PTPRK: variants seen among roughly 807,000 people sequenced by gnomAD.
The protein encoded by PTPRK is protein tyrosine phosphatase receptor type K, also known as receptor-type tyrosine-protein phosphatase kappa.
PTPRK carries 75 observed loss-of-function variants against 178.0 expected under a neutral mutation model. The observed-to-expected ratio is 0.42, with a 90% CI of 0.35 to 0.51. PTPRK has a LOEUF of 0.51. Among genes scored for constraint, PTPRK ranks in the 20% least tolerant of loss-of-function variants. The pLI, the probability that PTPRK is intolerant of heterozygous loss-of-function variation, is 0.02. For missense variants in PTPRK, 1,441 were observed against 1,797.8 expected (o/e 0.80, Z 3.59); for synonymous variants, 637 against 620.6 (o/e 1.03, Z -0.39).
At chr6:128,218,888 G>A (rs370199339) in intron 6 of PTPRK, 34 bp downstream of exon 6, 89 of 1,555,946 alleles carry the variant, frequency 5.7e-5, no homozygotes, top group Middle Eastern at 5.1e-4. Flanking sequence ...ATAAAGCCAT[G>A]CAATTTCGTG....
At chr6:128,512,886 G>T (rs78264516) in intron 1 of PTPRK, among the ~76,000 whole-genome samples, 16,008 of 152,090 alleles carry the variant, frequency 0.11, 1,008 homozygotes, top group Non-Finnish European at 0.15. Context: ...ACACTTAGAT[G>T]AAAAAGAGAA....
intron 1 of PTPRK, among the ~76,000 whole-genome samples, chr6:128,500,343 C>A (rs1208218034): frequency 6.6e-6 from 1 of 151,122 alleles, no homozygotes; most frequent in East Asian, 1.9e-4. Flanking sequence ...TTAATACAAT[C>A]ATGTGATTAA....
intron 6 of PTPRK, among the ~76,000 whole-genome samples, chr6:128,211,233 T>C (rs1808100431): frequency 6.6e-6 from 1 of 152,192 alleles, no homozygotes; most frequent in South Asian, 2.1e-4. Flanking sequence ...ATTTAATTTC[T>C]GTCCAGCTCT....
chr6:128,086,098 T>C (rs566681424), intron 8 of PTPRK, among the ~76,000 whole-genome samples: 1 of 152,254 alleles, frequency 6.6e-6, no homozygotes, highest in Non-Finnish European at 1.5e-5. Flanking sequence ...TCAACAACTT[T>C]TAATGGAAAC....
chr6:128,259,514 A>G (rs1817859383), intron 3 of PTPRK, among the ~76,000 whole-genome samples: 1 of 152,184 alleles, frequency 6.6e-6, no homozygotes, highest in African/African-American at 2.4e-5. Context: ...ATGCATATGT[A>G]TGTGCCACCT....
At chr6:128,432,045 G>A (rs189027179) in intron 1 of PTPRK, among the ~76,000 whole-genome samples, 11 of 151,632 alleles carry the variant, frequency 7.3e-5, no homozygotes, top group Admixed American at 5.9e-4. Context: ...GAAAAAGCAC[G>A]GTTGAAAATA....
At chr6:128,037,063 G>C (rs1471585596) in intron 13 of PTPRK, among the ~76,000 whole-genome samples, 1 of 151,984 alleles carries the variant, frequency 6.6e-6, no homozygotes, top group Non-Finnish European at 1.5e-5. Context: ...TTGTGCTTGG[G>C]TGCAAATCTG....
intron 7 of PTPRK, among the ~76,000 whole-genome samples, chr6:128,106,829 C>T (rs1430520303): frequency 1.3e-5 from 2 of 152,082 alleles, no homozygotes; most frequent in Non-Finnish European, 2.9e-5. Flanking sequence ...ATTTCTAGCA[C>T]CCAAATGTCA....
chr6:128,494,513 G>A (rs1197388667), intron 1 of PTPRK, among the ~76,000 whole-genome samples: 2 of 152,076 alleles, frequency 1.3e-5, no homozygotes, highest in Admixed American at 1.3e-4. Flanking sequence ...CCAACAGCTG[G>A]AGTACTCAGC....
chr6:128,516,804 A>T lies in PTPRK; in HGVS notation c.100+3455T>A, dbSNP rs536084390. Reference sequence around the variant, plus strand: ...GAAAGCTACATATTATTCTCAACACAGAGTTGAAAACCTGAACCAACAGTT... The same window carrying T: ...GAAAGCTACATATTATTCTCAACACTGAGTTGAAAACCTGAACCAACAGTT... On this transcript the variant is annotated intron_variant, in intron 1 of 29. Coordinates refer to ENST00000368226, the MANE Select transcript of PTPRK (RefSeq NM_002844.4). 4.5e-4 allele frequency among the ~76,000 whole-genome samples: 69 copies of T among 152,274 alleles called. No homozygotes were observed. In the South Asian group the frequency reaches 0.014, roughly 31 times the overall value.
intron 7 of PTPRK, among the ~76,000 whole-genome samples, chr6:128,109,537 G>C (rs1419758125): frequency 6.6e-6 from 1 of 152,130 alleles, no homozygotes; most frequent in Non-Finnish European, 1.5e-5. Flanking sequence ...ACAGAGTCCA[G>C]TGTCAAAATA....
chr6:128,181,897 A>G (rs1049823327), intron 7 of PTPRK, among the ~76,000 whole-genome samples: 4 of 152,156 alleles, frequency 2.6e-5, no homozygotes, highest in African/African-American at 9.6e-5. Context: ...AATTAATACA[A>G]TATATACTTC....
In PTPRK at chr6:128,495,336, C is replaced by T. The variant is rs115349330; in HGVS notation, c.100+24923G>A. ...ATATACTTTAAATCTTAATAAGAGA[C>T]GCAATTTCAGGGAAAAGATAAAAGA... On this transcript the variant is annotated intron_variant, in intron 1 of 29. Transcript: ENST00000368226. Among the ~76,000 whole-genome samples the T allele has an allele frequency of 1.3e-3, 204 of 152,034 alleles. 2 individuals carry two copies. The highest frequency in any genetic ancestry group is 3.9e-3 in the African/African-American group (162 of 41,454).
chr6:128,285,513 TAA>T (rs751427928), intron 3 of PTPRK, among the ~76,000 whole-genome samples: 21 of 124,466 alleles, frequency 1.7e-4, no homozygotes, highest in Admixed American at 2.5e-4. Flanking sequence ...AGACTCTGTC[TAA>T]AAAAAAAAAA....
intron 14 of PTPRK, among the ~76,000 whole-genome samples, chr6:128,007,651 A>G (rs1193631064): frequency 6.6e-6 from 1 of 150,928 alleles, no homozygotes; most frequent in African/African-American, 2.4e-5. Context: ...AGTTATCAAG[A>G]CAAATGAATG....
chr6:128,338,652 C>T (rs942639948), intron 2 of PTPRK, among the ~76,000 whole-genome samples: 1 of 115,272 alleles, frequency 8.7e-6, no homozygotes, highest in Non-Finnish European at 1.8e-5. Flanking sequence ...GCTTTGCTGC[C>T]CCTGGAAGTC....
rs538820082 is a variant in PTPRK at position 128,170,065 on chromosome 6, A to G, written c.1162+14367T>C. ...AATTAGACTGTGAGCAAGTTTTAAT[A>G]ATGGCAATATGATTTCCTAAATTAT... On this transcript the variant is annotated intron_variant, in intron 7 of 29. Transcript: ENST00000368226. 2.0e-5 allele frequency among the ~76,000 whole-genome samples: 3 copies of G among 152,220 alleles called. 1 individual carries two copies. In the South Asian group the frequency reaches 6.2e-4, roughly 32 times the overall value.
At chr6:128,295,606 T>C (rs1824200644) in intron 3 of PTPRK, among the ~76,000 whole-genome samples, 1 of 152,072 alleles carries the variant, frequency 6.6e-6, no homozygotes, top group Non-Finnish European at 1.5e-5. Context: ...ACAAATCTGA[T>C]CACAGTTGAT....
intron 13 of PTPRK, among the ~76,000 whole-genome samples, chr6:128,056,293 C>T (rs1437273738): frequency 6.6e-6 from 1 of 152,118 alleles, no homozygotes; most frequent in Non-Finnish European, 1.5e-5. Flanking sequence ...GATTTCTATA[C>T]TTACTTAAAC....
Sources: gnomAD v4.1 joint callset for allele counts (sites outside exome capture counted in the v4.1 genomes callset) on GRCh38, gnomAD v4.1.1 for gene constraint, MANE v1.5 for transcripts, NCBI Gene and HGNC (gene_info 2026-07-23, HGNC 2026-07-21) for gene names.